Variants in SHANK2 observed in about 807,000 individuals in gnomAD.
SHANK2 encodes the protein SH3 and multiple ankyrin repeat domains 2.
Under a neutral mutation model 133.7 loss-of-function variants are expected in SHANK2, and 43 were observed. The observed-to-expected ratio is 0.32, with a 90% CI of 0.25 to 0.41. The LOEUF (loss-of-function observed/expected upper bound fraction) is 0.41. Ranked by LOEUF, SHANK2 falls within the 10% of genes least tolerant of loss-of-function variation. The pLI, the probability that SHANK2 is intolerant of heterozygous loss-of-function variation, is 1.00. For missense variants in SHANK2, 1,994 were observed against 2,235.8 expected, an observed-to-expected ratio of 0.89 and a Z score of 2.18; for synonymous variants, 1,017 against 952.8, an observed-to-expected ratio of 1.07 and a Z score of -1.24.
chr11:70,636,670 C>A (rs969083529), intron 17 of SHANK2, among the ~76,000 whole-genome samples: 1 of 146,358 alleles, frequency 6.8e-6, no homozygotes, highest in Non-Finnish European at 1.5e-5. Context: ...TGTGTGAGCA[C>A]GTGTGAGCAT....
chr11:70,530,469 G>A (rs1156991990), intron 17 of SHANK2, among the ~76,000 whole-genome samples: 5 of 152,176 alleles, frequency 3.3e-5, no homozygotes, highest in Admixed American at 1.3e-4. Flanking sequence ...CCGGGAATTT[G>A]AGGCTGCACT....
At chr11:70,929,763 T>C (rs1416602463) in intron 10 of SHANK2, among the ~76,000 whole-genome samples, 5 of 152,216 alleles carry the variant, frequency 3.3e-5, no homozygotes, top group African/African-American at 1.2e-4. Flanking sequence ...CCATGTAAAG[T>C]AACATGTGCA....
At chr11:70,551,984 G>C (rs963314392) in intron 17 of SHANK2, among the ~76,000 whole-genome samples, 2 of 152,244 alleles carry the variant, frequency 1.3e-5, no homozygotes, top group Non-Finnish European at 2.9e-5. Flanking sequence ...GTGGGGGTGT[G>C]AGCTTCCTCC....
intron 10 of SHANK2, among the ~76,000 whole-genome samples, chr11:70,919,890 AT>A (rs1386068036): frequency 6.6e-6 from 1 of 152,160 alleles, no homozygotes; most frequent in Non-Finnish European, 1.5e-5. Flanking sequence ...CTCCGGGCTC[AT>A]TCCATGGATG....
chr11:70,819,319 C>A (rs192912863), intron 12 of SHANK2, among the ~76,000 whole-genome samples: 1 of 152,252 alleles, frequency 6.6e-6, no homozygotes, highest in Admixed American at 6.5e-5. Flanking sequence ...AAGAAGCCAG[C>A]ACAGTGAACT....
At chr11:71,116,510 G>A (rs1565460277) in intron 4 of SHANK2, among the ~76,000 whole-genome samples, 1 of 152,246 alleles carries the variant, frequency 6.6e-6, no homozygotes, top group Admixed American at 6.5e-5. Context: ...TCTGGAGGGA[G>A]GCCCAGGAGC....
chr11:71,105,586 AG>A (rs1555097663), intron 6 of SHANK2, among the ~76,000 whole-genome samples: 1 of 114,610 alleles, frequency 8.7e-6, no homozygotes, highest in African/African-American at 3.5e-5. Flanking sequence ...AGAGAGACTC[AG>A]TCTAAAAAAA....
intron 11 of SHANK2, among the ~76,000 whole-genome samples, chr11:70,880,169 T>A (rs2135575984): frequency 6.6e-6 from 1 of 152,330 alleles, no homozygotes; most frequent in South Asian, 2.1e-4. Flanking sequence ...ATAGATAACC[T>A]GGGCAGCCTG....
At chr11:70,518,648 G>A (rs375440651) in intron 17 of SHANK2, among the ~76,000 whole-genome samples, 19 of 152,320 alleles carry the variant, frequency 1.2e-4, no homozygotes, top group African/African-American at 4.1e-4. Flanking sequence ...GGTCAGAGGC[G>A]GGATTGCATC....
chr11:70,933,219 A>G (rs1178418713), intron 10 of SHANK2: 4 of 456,482 alleles, frequency 8.8e-6, no homozygotes, highest in Non-Finnish European at 1.8e-5. Flanking sequence ...AGGCTACAAC[A>G]TGGAGGAACC....
chr11:70,638,067 C>T (rs1458472860), intron 17 of SHANK2, among the ~76,000 whole-genome samples: 1 of 152,264 alleles, frequency 6.6e-6, no homozygotes, highest in Non-Finnish European at 1.5e-5. Flanking sequence ...CAGCTAGCAG[C>T]CCACAGTGAG....
At chr11:70,748,185 T>C (rs1591810405) in intron 14 of SHANK2, among the ~76,000 whole-genome samples, 1 of 152,270 alleles carries the variant, frequency 6.6e-6, no homozygotes, top group Admixed American at 6.5e-5. Flanking sequence ...AGGCTCTTCC[T>C]GTTCCCAGGA....
At chr11:70,507,198 C>A (rs1187796336) in intron 17 of SHANK2, among the ~76,000 whole-genome samples, 1 of 152,174 alleles carries the variant, frequency 6.6e-6, no homozygotes, top group South Asian at 2.1e-4. Context: ...CCTGACGTCA[C>A]CTTCTCAGCT....
At chr11:70,851,768 A>G (rs1555065534) in intron 11 of SHANK2, among the ~76,000 whole-genome samples, 3 of 152,224 alleles carry the variant, frequency 2.0e-5, no homozygotes, top group African/African-American at 7.2e-5. Context: ...GAAATACTTG[A>G]GAGAGCAGTA....
At chr11:70,547,201 C>T (rs7940864) in intron 17 of SHANK2, among the ~76,000 whole-genome samples, 42,162 of 152,104 alleles carry the variant, frequency 0.28, 6,196 homozygotes, top group African/African-American at 0.3. Context: ...TACTAAGTCT[C>T]CTCCCTATTC....
chr11:71,175,596 GAGAGAGAC>G lies in SHANK2; in HGVS notation c.-12-28266_-12-28259del, dbSNP rs1265563506. 0.013 allele frequency among the ~76,000 whole-genome samples: 1,910 copies of G among 142,208 alleles called. 32 individuals carry two copies. The highest frequency in any genetic ancestry group is 0.027 in the African/African-American group (1,005 of 37,310). 93.3% of individuals were successfully genotyped at this position (142,208 alleles called of 152,430 possible). A position where few individuals can be genotyped will look rare whatever the true frequency, so the allele number is the denominator to read the frequency against. ...AGAGAGAGAGAGAGAGAGAGAGAGA[GAGAGAGAC>G]AGAGACAGAGACATCGCTTCCAGCC... is the stretch of plus-strand genomic sequence containing the variant. On this transcript the variant is annotated intron_variant, in intron 2 of 25. Transcript: ENST00000601538. The surrounding 1 kb of genome is among the most constrained non-coding windows in gnomAD (Gnocchi z 4.2).
chr11:71,178,248 T>C (rs1199762830), intron 2 of SHANK2, among the ~76,000 whole-genome samples: 1 of 152,224 alleles, frequency 6.6e-6, no homozygotes, highest in Non-Finnish European at 1.5e-5. Context: ...TAAAACTCAG[T>C]CTTAAAAAGG....
intron 17 of SHANK2, among the ~76,000 whole-genome samples, chr11:70,580,375 C>A (rs1554985150): frequency 6.6e-6 from 1 of 152,222 alleles, no homozygotes; most frequent in Admixed American, 6.5e-5. Flanking sequence ...GGGCCACCAG[C>A]AGGGTGTCTC....
intron 10 of SHANK2, among the ~76,000 whole-genome samples, chr11:70,944,365 G>A (rs527618169): frequency 2.6e-5 from 4 of 152,236 alleles, no homozygotes; most frequent in South Asian, 2.1e-4. Flanking sequence ...GGCCCTCCCC[G>A]GAGTCCAGGT....
Sources: allele counts gnomAD v4.1 joint callset (sites outside exome capture counted in the v4.1 genomes callset), GRCh38; gene constraint gnomAD v4.1.1; non-coding constraint Gnocchi (gnomAD v3.1); transcripts MANE v1.5; gene names NCBI Gene and HGNC (gene_info 2026-07-23, HGNC 2026-07-21).